SLC26A7: variants seen among roughly 807,000 people sequenced by gnomAD.
The protein encoded by SLC26A7 is solute carrier family 26 member 7, also known as anion exchange transporter.
Under a neutral mutation model 82.5 loss-of-function variants are expected in SLC26A7, and 59 were observed. The ratio of observed to expected loss-of-function variants is 0.72; its 90% CI spans 0.58 to 0.89. The LOEUF (loss-of-function observed/expected upper bound fraction) is 0.89. SLC26A7 is among the 40% of genes least tolerant of loss of function. SLC26A7 has a pLI of 0.00. For synonymous variants in SLC26A7, 271 were observed against 274.3 expected, an observed-to-expected ratio of 0.99 and a Z score of 0.12; for missense variants, 820 against 793.0, an observed-to-expected ratio of 1.03 and a Z score of -0.41.
intron 11 of SLC26A7, among the ~76,000 whole-genome samples, chr8:91,354,505 A>G (rs1813807204): frequency 6.6e-6 from 1 of 152,150 alleles, no homozygotes; most frequent in African/African-American, 2.4e-5. Flanking sequence ...TTTTACAAAG[A>G]TGACTTGATT....
At chr8:91,254,529 T>A (rs1017588087) in intron 2 of SLC26A7, among the ~76,000 whole-genome samples, 3 of 152,146 alleles carry the variant, frequency 2.0e-5, no homozygotes, top group Non-Finnish European at 2.9e-5. Context: ...TATGTTTCAA[T>A]ATACTTCACT....
At chr8:91,388,262 G>A (rs1814853261) in intron 15 of SLC26A7, among the ~76,000 whole-genome samples, 1 of 150,350 alleles carries the variant, frequency 6.7e-6, no homozygotes, top group Non-Finnish European at 1.5e-5. Flanking sequence ...TCCCGAGCGG[G>A]ATTTTTTTTA....
At position 91,340,450 on chromosome 8, in the gene SLC26A7, A is replaced by T. The variant is rs1563687985; in HGVS notation, c.925A>T (p.Ile309Phe). The change falls in exon 8 of 19, where the codon ATC becomes TTC. Residue 309 changes from isoleucine (I) to phenylalanine (F), a missense_variant. By Grantham distance (21) the Ile-to-Phe change is conservative. Coordinates refer to ENST00000276609, the MANE Select transcript of SLC26A7 (RefSeq NM_052832.4). Reference sequence around the variant, plus strand: ...CCCGATGAACATCCTCTCTGCGGTGATCACTGAAGCTTTCGGAGTGGCACT... The same window carrying T: ...CCCGATGAACATCCTCTCTGCGGTGTTCACTGAAGCTTTCGGAGTGGCACT... Reference protein sequence around the residue: ...APPMNILSAVITEAFGVALVG... With the variant: ...APPMNILSAVFTEAFGVALVG... 4.3e-6 allele frequency: 7 copies of T among 1,613,986 alleles called. No homozygotes were observed. The highest frequency in any genetic ancestry group is 5.9e-6 in the Non-Finnish European group (7 of 1,179,930).
intron 9 of SLC26A7, chr8:91,344,384 T>C (rs1327867135): frequency 5.9e-6 from 1 of 170,508 alleles, no homozygotes; most frequent in Non-Finnish European, 1.2e-5. Flanking sequence ...AAATTAACAT[T>C]AACAGCAAAC....
chr8:91,302,490 A>C (rs1812194007), intron 4 of SLC26A7, among the ~76,000 whole-genome samples: 2 of 152,118 alleles, frequency 1.3e-5, no homozygotes, highest in South Asian at 4.1e-4. Flanking sequence ...AAGTGCACTT[A>C]TACAACCATA....
intron 6 of SLC26A7, 92 bp downstream of exon 6, chr8:91,334,539 ACCCT>A: frequency 9.1e-7 from 1 of 1,101,918 alleles, no homozygotes; most frequent in Non-Finnish European, 1.2e-6. Flanking sequence ...GTCTGTAGTA[ACCCT>A]CAGCTACTCC....
At chr8:91,364,049 G>C (rs569905292) in intron 13 of SLC26A7, among the ~76,000 whole-genome samples, 1 of 151,592 alleles carries the variant, frequency 6.6e-6, no homozygotes, top group African/African-American at 2.4e-5. Flanking sequence ...TTACACAGTG[G>C]GTACCTTTTT....
chr8:91,300,067 G>A (rs1197886356), intron 4 of SLC26A7, among the ~76,000 whole-genome samples: 1 of 152,160 alleles, frequency 6.6e-6, no homozygotes, highest in African/African-American at 2.4e-5. Flanking sequence ...CTTTTATTGG[G>A]ATTGTGTTAA....
At chr8:91,368,625 G>A (rs1023397968) in intron 14 of SLC26A7, among the ~76,000 whole-genome samples, 12 of 151,442 alleles carry the variant, frequency 7.9e-5, no homozygotes, top group African/African-American at 2.7e-4. Flanking sequence ...GGGTTTCACC[G>A]TGTTAGCCAG....
At chr8:91,342,199 G>A (rs998016940) in intron 8 of SLC26A7, among the ~76,000 whole-genome samples, 1 of 152,048 alleles carries the variant, frequency 6.6e-6, no homozygotes, top group African/African-American at 2.4e-5. Flanking sequence ...CAAAGTGCTG[G>A]GATTGCAGGC....
intron 1 of SLC26A7, among the ~76,000 whole-genome samples, chr8:91,216,235 C>T (rs1158239039): frequency 6.6e-6 from 1 of 152,080 alleles, no homozygotes; most frequent in African/African-American, 2.4e-5. Context: ...CAATGTTTCC[C>T]CCAAGAAGGG....
At chr8:91,265,203 G>A (rs1176310327) in intron 2 of SLC26A7, among the ~76,000 whole-genome samples, 1 of 151,982 alleles carries the variant, frequency 6.6e-6, no homozygotes, top group Non-Finnish European at 1.5e-5. Context: ...ATCCATGTTT[G>A]TACAAATGAC....
chr8:91,341,673 A>G (rs1813418725), intron 8 of SLC26A7, among the ~76,000 whole-genome samples: 1 of 152,100 alleles, frequency 6.6e-6, no homozygotes, highest in African/African-American at 2.4e-5. Flanking sequence ...TTTTACTCGA[A>G]ACTTCCCAGT....
At chr8:91,391,840 T>A (rs1291124831) in intron 16 of SLC26A7, among the ~76,000 whole-genome samples, 6 of 152,032 alleles carry the variant, frequency 3.9e-5, no homozygotes, top group African/African-American at 1.4e-4. Context: ...CAGTATGGTT[T>A]TTGTTGTTGT....
Position 91,280,485 on chromosome 8 carries a change from G to T in SLC26A7, c.194-8651G>T, listed in dbSNP as rs188113773. On this transcript the variant is annotated intron_variant, in intron 2 of 18. Coordinates refer to ENST00000276609, the MANE Select transcript of SLC26A7 (RefSeq NM_052832.4). ...TGAATTCCTATTGTCTGCCTCTTCT[G>T]CTTCCACCAAGATCCATTTGCTCCT... 7.0e-3 allele frequency among the ~76,000 whole-genome samples: 1,060 copies of T among 152,164 alleles called. 7 individuals carry two copies. The highest frequency in any genetic ancestry group is 9.2e-3 in the Non-Finnish European group (628 of 67,978).
chr8:91,219,102 A>G (rs370022152), intron 2 of SLC26A7: 35 of 486,094 alleles, frequency 7.2e-5, no homozygotes, highest in African/African-American at 6.8e-4. Flanking sequence ...TCTCTTTGTC[A>G]ACACATTAAA....
chr8:91,270,815 C>T (rs1811248041), intron 2 of SLC26A7, among the ~76,000 whole-genome samples: 1 of 152,090 alleles, frequency 6.6e-6, no homozygotes, highest in Admixed American at 6.5e-5. Context: ...TCAAGATCCC[C>T]CTGAATTTAC....
chr8:91,337,788 C>G (rs1813284991), intron 6 of SLC26A7, among the ~76,000 whole-genome samples: 1 of 152,148 alleles, frequency 6.6e-6, no homozygotes, highest in Admixed American at 6.6e-5. Flanking sequence ...TACGAAGCAT[C>G]CCTTTGTATC....
intron 5 of SLC26A7, among the ~76,000 whole-genome samples, chr8:91,320,503 A>T (rs1483721855): frequency 6.6e-6 from 1 of 152,150 alleles, no homozygotes; most frequent in Non-Finnish European, 1.5e-5. Flanking sequence ...TTTCAAATGG[A>T]TGTTGATATT....
Sources: allele counts gnomAD v4.1 joint callset (sites outside exome capture counted in the v4.1 genomes callset), GRCh38; gene constraint gnomAD v4.1.1; transcripts MANE v1.5; gene names NCBI Gene and HGNC (gene_info 2026-07-23, HGNC 2026-07-21).